Variants in MLEC observed in about 807,000 individuals in gnomAD.
The protein encoded by MLEC is oligosaccharyltransferase complex subunit (non-catalytic).
A neutral mutation model predicts 28.7 loss-of-function variants in MLEC; 7 were observed. That is an observed-to-expected ratio of 0.24 (90% CI 0.14 to 0.46). The LOEUF is 0.46. Ranked by LOEUF, MLEC falls within the 20% of genes least tolerant of loss-of-function variation. The pLI is 0.99. For synonymous variants in MLEC, 142 were observed against 164.4 expected (o/e 0.86, Z 1.04); for missense variants, 237 against 391.1 (o/e 0.61, Z 3.32).
At chr12:120,693,564 G>A (rs1882116850) in intron 1 of MLEC, among the ~76,000 whole-genome samples, 1 of 152,184 alleles carries the variant, frequency 6.6e-6, no homozygotes. Context: ...AACTAAAGCT[G>A]GAATTTTATT....
At chr12:120,692,849 A>G (rs1592916914) in intron 1 of MLEC, among the ~76,000 whole-genome samples, 1 of 151,880 alleles carries the variant, frequency 6.6e-6, no homozygotes, top group East Asian at 1.9e-4. Context: ...TGTTTATAGG[A>G]TAAAGGAGTC....
At chr12:120,689,458 T>C (rs1881953580) in intron 1 of MLEC, among the ~76,000 whole-genome samples, 1 of 152,220 alleles carries the variant, frequency 6.6e-6, no homozygotes, top group African/African-American at 2.4e-5. Flanking sequence ...TGGGTAAGAA[T>C]TGGAGCAGTA....
rs750518026 is a variant in MLEC, at chr12:120,694,232, A to C, written c.377A>C (p.Lys126Thr). The change falls in exon 2 of 5, where the codon AAA becomes ACA. Residue 126 changes from lysine (K) to threonine (T), a missense_variant. Lys to Thr is a moderately conservative substitution (Grantham distance 78). Transcript: ENST00000228506. The surrounding 1 kb of genome is among the most constrained non-coding windows in gnomAD (Gnocchi z 4.5). Reference sequence around the variant, plus strand: ...GAGGGGGACTACGTGCTGGTCTTGAAATTTGCAGAGGTCTACTTTGCACAG... The same window carrying C: ...GAGGGGGACTACGTGCTGGTCTTGACATTTGCAGAGGTCTACTTTGCACAG... ...KEEGDYVLVL[K>T]FAEVYFAQSQ... 1 of 1,614,094 alleles carries C rather than the reference A, an allele frequency of 6.2e-7. No individual in the cohort carries two copies. Among genetic ancestry groups the C allele is most frequent in the Non-Finnish European group, 8.5e-7 (1 of 1,180,030 alleles).
chr12:120,694,264 C>G lies in MLEC; in HGVS notation c.409C>G (p.Gln137Glu), dbSNP rs1882143851. ...AGAGGTCTACTTTGCACAGTCCCAG[C>G]AAAAGGTGAGGCCTAGTCAGGCTGC... ...FAEVYFAQSQ[Q>E]KVFDVRLNGH... The change falls in exon 2 of 5, where the codon CAA becomes GAA. Residue 137 changes from glutamine to glutamate, a missense_variant. Physicochemically the swap from Gln to Glu is conservative, Grantham distance 29. Transcript: ENST00000228506. This position sits in a 1 kb window ranked among gnomAD's most constrained non-coding sequence, Gnocchi z 4.5. The G allele has an allele frequency of 6.2e-7, 1 of 1,613,432 alleles. No homozygotes were observed. Among genetic ancestry groups the G allele is most frequent in the African/African-American group, 1.3e-5 (1 of 74,906 alleles).
rs1234878012 is a variant in MLEC at position 120,696,595 on chromosome 12, G to C, written c.*50G>C. The C allele has an allele frequency of 6.3e-7, 1 of 1,588,160 alleles. No homozygotes were observed. Among genetic ancestry groups the C allele is most frequent in the African/African-American group, 1.4e-5 (1 of 73,506 alleles). ...GTGGAGGGGTGTGGGAAAGAAACCA[G>C]CCATATTGGTTTTGGTTTCTGTATT... On this transcript the variant is annotated 3_prime_UTR_variant, in exon 5 of 5. Transcript: ENST00000228506. This position sits in a 1 kb window ranked among gnomAD's most constrained non-coding sequence, Gnocchi z 5.4.
rs1385983417 is a variant in MLEC at position 120,696,600 on chromosome 12, A to G, written c.*55A>G. On this transcript the variant is annotated 3_prime_UTR_variant, in exon 5 of 5. Transcript: ENST00000228506. The surrounding 1 kb of genome is among the most constrained non-coding windows in gnomAD (Gnocchi z 5.4). ...GGGGTGTGGGAAAGAAACCAGCCAT[A>G]TTGGTTTTGGTTTCTGTATTTTTCA... 1 of 1,586,460 alleles carries G rather than the reference A, an allele frequency of 6.3e-7. No homozygotes were observed. Among genetic ancestry groups the G allele is most frequent in the Non-Finnish European group, 8.6e-7 (1 of 1,167,754 alleles).
At chr12:120,693,864 T>C (rs1403543650) in intron 1 of MLEC, 8 of 418,066 alleles carry the variant, frequency 1.9e-5, no homozygotes, top group Non-Finnish European at 2.6e-5. Flanking sequence ...ACAGGGGCTG[T>C]TGGCCTGATT....
intron 3 of MLEC, 27 bp from the exon 4 acceptor site, chr12:120,695,068 G>A (rs778348740): frequency 1.2e-6 from 2 of 1,614,114 alleles, no homozygotes; most frequent in South Asian, 1.1e-5. Flanking sequence ...TGCTGTGTGG[G>A]GTTGACCACT....
chr12:120,689,424 G>C (rs1319506623), intron 1 of MLEC, among the ~76,000 whole-genome samples: 1 of 152,164 alleles, frequency 6.6e-6, no homozygotes, highest in Admixed American at 6.5e-5. Context: ...CCCTGCTAAG[G>C]TTCCCCTCTC....
Position 120,701,026 on chromosome 12 carries a change from G to A in MLEC, c.*4481G>A, listed in dbSNP as rs746735784. On this transcript the variant is annotated 3_prime_UTR_variant, in exon 5 of 5. Transcript: ENST00000228506. The surrounding 1 kb of genome is among the most constrained non-coding windows in gnomAD (Gnocchi z 4.0). ...AAACACAAGGAGCCAGGATTGTGCT[G>A]GCAGCCAAGGAAACAGTAGTGCCTG... 20 of 152,248 alleles carry A rather than the reference G, an allele frequency of 1.3e-4. No individual in the cohort carries two copies. Among genetic ancestry groups the A allele is most frequent in the Admixed American group, 6.5e-4 (10 of 15,288 alleles). 9.4% of individuals were successfully genotyped at this position (152,248 alleles called of 1,614,324 possible).
rs1436507194 is a variant in MLEC, at chr12:120,694,989, G to C, written c.580G>C (p.Glu194Gln). 1 of 1,614,138 alleles carries C rather than the reference G, an allele frequency of 6.2e-7. No individual in the cohort carries two copies. Among genetic ancestry groups the C allele is most frequent in the Non-Finnish European group, 8.5e-7 (1 of 1,180,016 alleles). Residue 194 changes from glutamate (E) to glutamine (Q), a missense_variant, in exon 3 of 5, where the codon GAG becomes CAG. Coordinates refer to ENST00000228506, the MANE Select transcript of MLEC (RefSeq NM_014730.4). The surrounding 1 kb of genome is among the most constrained non-coding windows in gnomAD (Gnocchi z 4.5). Reference sequence around the variant, plus strand: ...CACCTTCACAGGGAAACTCTACATTGAGTTTGTCAAGGTAATTCCCCTATT... The same window carrying C: ...CACCTTCACAGGGAAACTCTACATTCAGTTTGTCAAGGTAATTCCCCTATT... The part of the protein sequence containing the change: ...VSTFTGKLYI[E>Q]FVKGYYDNPK...
At position 120,697,862 on chromosome 12, in the gene MLEC, C is replaced by G. The variant is rs1196602295; in HGVS notation, c.*1317C>G. ...ATAGTATGCCCCTCCTTCCCCTGTC[C>G]TTTCATTTCTCTATCCAAGTAGCAG... is the stretch of plus-strand genomic sequence containing the variant. On this transcript the variant is annotated 3_prime_UTR_variant, in exon 5 of 5. Coordinates refer to ENST00000228506, the MANE Select transcript of MLEC (RefSeq NM_014730.4). The surrounding 1 kb of genome is among the most constrained non-coding windows in gnomAD (Gnocchi z 4.8). 6.6e-6 allele frequency: 1 copy of G among 152,236 alleles called. No homozygotes were observed. The highest frequency in any genetic ancestry group is 1.5e-5 in the Non-Finnish European group (1 of 68,076). The allele number at this position is 152,236 out of a possible 1,614,324, so 9.4% of individuals were successfully genotyped here.
Position 120,687,342 on chromosome 12 carries a change from C to T in MLEC, c.46C>T (p.Arg16Ter), listed in dbSNP as rs769620940. ...TGAGGGAACCGCTGTGGCGCTCCTG[C>T]GACTGCTGCTGCTGCTGCTGCCGCC... is the stretch of plus-strand genomic sequence containing the variant. ...AVEGTAVALL[R>*]LLLLLLPPAI... is the part of the protein sequence containing the mutation. The change falls in exon 1 of 5, where the codon CGA (arginine) becomes TGA (stop). Residue 16 changes from arginine to a stop codon, truncating the protein, a stop_gained. Transcript: ENST00000228506. LOFTEE classifies it high-confidence loss of function. This position sits in a 1 kb window ranked among gnomAD's most constrained non-coding sequence, Gnocchi z 8.1. The T allele has an allele frequency of 1.4e-6, 2 of 1,393,168 alleles. No individual in the cohort carries two copies. Among genetic ancestry groups the T allele is most frequent in the South Asian group, 1.7e-5 (1 of 58,102 alleles). 86.3% of individuals were successfully genotyped at this position (1,393,168 alleles called of 1,614,324 possible).
At chr12:120,690,481 C>T (rs1218937267) in intron 1 of MLEC, among the ~76,000 whole-genome samples, 7 of 152,214 alleles carry the variant, frequency 4.6e-5, no homozygotes, top group Non-Finnish European at 2.9e-5. Flanking sequence ...ACTTGCTTTA[C>T]GTCTCTGAGC....
chr12:120,687,217 T>C lies in MLEC; in HGVS notation c.-80T>C. 1 of 1,306,514 alleles carries C rather than the reference T, an allele frequency of 7.7e-7. No homozygotes were observed. The highest frequency in any genetic ancestry group is 2.2e-5 in the South Asian group (1 of 45,600). 80.9% of individuals were successfully genotyped at this position (1,306,514 alleles called of 1,614,324 possible). Reference sequence around the variant, plus strand: ...GCTCAGGCGGAGCGGCCCGTGGCGCTGTTTTTCTGAGTCCGGGGTGGCCTG... The same window carrying C: ...GCTCAGGCGGAGCGGCCCGTGGCGCCGTTTTTCTGAGTCCGGGGTGGCCTG... On this transcript the variant is annotated 5_prime_UTR_variant, in exon 1 of 5. Transcript: ENST00000228506. This position sits in a 1 kb window ranked among gnomAD's most constrained non-coding sequence, Gnocchi z 8.1.
rs1485925452 is a variant in MLEC, at chr12:120,694,861, A to G, written c.452A>G (p.Lys151Arg). 1 of 1,613,824 alleles carries G rather than the reference A, an allele frequency of 6.2e-7. No homozygotes were observed. The highest frequency in any genetic ancestry group is 1.7e-5 in the Admixed American group (1 of 59,966). The change falls in exon 3 of 5, where the codon AAG becomes AGG. Residue 151 changes from lysine (K) to arginine (R), a missense_variant. Physicochemically the swap from Lys to Arg is conservative, Grantham distance 26. Coordinates refer to ENST00000228506, the MANE Select transcript of MLEC (RefSeq NM_014730.4). This position sits in a 1 kb window ranked among gnomAD's most constrained non-coding sequence, Gnocchi z 4.5. ...DVRLNGHVVV[K>R]DLDIFDRVGH... ...CGATTGAATGGCCACGTCGTGGTGA[A>G]GGACTTGGATATCTTTGATCGTGTT...
intron 1 of MLEC, among the ~76,000 whole-genome samples, chr12:120,693,469 T>A (rs1882113971): frequency 6.6e-6 from 1 of 152,196 alleles, no homozygotes; most frequent in African/African-American, 2.4e-5. Context: ...GGAAGGAAAT[T>A]AGCATCACAC....
Position 120,687,205 on chromosome 12 carries a change from G to A in MLEC, c.-92G>A. On this transcript the variant is annotated 5_prime_UTR_variant, in exon 1 of 5. Transcript: ENST00000228506. This position sits in a 1 kb window ranked among gnomAD's most constrained non-coding sequence, Gnocchi z 8.1. ...ATGTCCCCGGCGGCTCAGGCGGAGC[G>A]GCCCGTGGCGCTGTTTTTCTGAGTC... The A allele has an allele frequency of 7.8e-7, 1 of 1,277,354 alleles. No individual in the cohort carries two copies. The highest frequency in any genetic ancestry group is 9.9e-7 in the Non-Finnish European group (1 of 1,009,100). The allele number at this position is 1,277,354 out of a possible 1,614,324, so 79.1% of individuals were successfully genotyped here.
At position 120,694,294 on chromosome 12, in the gene MLEC, T is replaced by G. The variant is rs370954479; in HGVS notation, c.414+25T>G. 2.9e-5 allele frequency: 47 copies of G among 1,609,520 alleles called. No homozygotes were observed. The East Asian group carries it at 1.0e-3, about 34-fold the overall frequency. On this transcript the variant is annotated intron_variant, in intron 2 of 4. Transcript: ENST00000228506. This position sits in a 1 kb window ranked among gnomAD's most constrained non-coding sequence, Gnocchi z 4.5. ...GGTGAGGCCTAGTCAGGCTGCTGCT[T>G]GACCAGTAGGACATTGCTGCTCTTG...
Sources: allele counts gnomAD v4.1 joint callset (sites outside exome capture counted in the v4.1 genomes callset), GRCh38; gene constraint gnomAD v4.1.1; non-coding constraint Gnocchi (gnomAD v3.1); transcripts MANE v1.5; gene names NCBI Gene and HGNC (gene_info 2026-07-23, HGNC 2026-07-21).